Variants in SPAG16 observed in about 807,000 individuals in gnomAD.
The protein encoded by SPAG16 is sperm-associated antigen 16 protein.
A neutral mutation model predicts 80.4 loss-of-function variants in SPAG16; 86 were observed. The observed-to-expected ratio is 1.07, with a 90% CI of 0.90 to 1.28. The LOEUF is 1.28. Ranked by LOEUF, SPAG16 falls within the 50% of genes most tolerant of loss-of-function variation. SPAG16 has a pLI of 0.00. For synonymous variants in SPAG16, 294 were observed against 265.9 expected (o/e 1.11, Z -1.03); for missense variants, 870 against 765.3 (o/e 1.14, Z -1.61).
At chr2:213,757,271 C>T (rs903237606) in intron 10 of SPAG16, among the ~76,000 whole-genome samples, 1 of 151,328 alleles carries the variant, frequency 6.6e-6, no homozygotes, top group African/African-American at 2.4e-5. Context: ...TATTGTTGTC[C>T]ATACTACTTA....
intron 9 of SPAG16, among the ~76,000 whole-genome samples, chr2:213,460,259 A>T (rs1193866271): frequency 6.6e-6 from 1 of 152,106 alleles, no homozygotes; most frequent in Non-Finnish European, 1.5e-5. Flanking sequence ...TTTTTAGATT[A>T]TTGCATGTTG....
At chr2:213,373,748 C>G (rs1211634158) in intron 8 of SPAG16, among the ~76,000 whole-genome samples, 1 of 152,078 alleles carries the variant, frequency 6.6e-6, no homozygotes, top group Non-Finnish European at 1.5e-5. Flanking sequence ...ACAATGGGAA[C>G]AAAAGGTAGT....
intron 11 of SPAG16, among the ~76,000 whole-genome samples, chr2:213,919,275 A>T (rs144504289): frequency 6.6e-6 from 1 of 151,968 alleles, no homozygotes; most frequent in African/African-American, 2.4e-5. Context: ...TGGTTTTTTC[A>T]TATCTCAATC....
intron 10 of SPAG16, among the ~76,000 whole-genome samples, chr2:213,779,780 T>A (rs758897318): frequency 6.6e-6 from 1 of 152,178 alleles, no homozygotes; most frequent in Non-Finnish European, 1.5e-5. Context: ...ATCTCCTGAA[T>A]CATAACGATG....
intron 9 of SPAG16, among the ~76,000 whole-genome samples, chr2:213,482,369 T>C (rs1035378035): frequency 1.3e-5 from 2 of 152,202 alleles, no homozygotes; most frequent in East Asian, 3.8e-4. Context: ...TAAATAACTC[T>C]AAAACTACTA....
chr2:213,686,048 A>G (rs1037190375), intron 10 of SPAG16, among the ~76,000 whole-genome samples: 1 of 152,248 alleles, frequency 6.6e-6, no homozygotes, highest in Non-Finnish European at 1.5e-5. Flanking sequence ...TTAACATCCA[A>G]TCATCTCATA....
At chr2:213,907,413 A>T (rs573877963) in intron 11 of SPAG16, among the ~76,000 whole-genome samples, 1 of 152,098 alleles carries the variant, frequency 6.6e-6, no homozygotes, top group Admixed American at 6.6e-5. Context: ...AAGGAAATTT[A>T]TACATGATCA....
chr2:214,326,461 A>G (rs1026482333), intron 15 of SPAG16, among the ~76,000 whole-genome samples: 3 of 152,172 alleles, frequency 2.0e-5, no homozygotes, highest in Admixed American at 1.3e-4. Context: ...GTGAAAATGT[A>G]TCATGGCAGC....
intron 12 of SPAG16, among the ~76,000 whole-genome samples, chr2:213,936,577 T>C (rs1219955326): frequency 6.6e-6 from 1 of 152,202 alleles, no homozygotes; most frequent in East Asian, 1.9e-4. Flanking sequence ...AATTGTATTC[T>C]GGATAGATTT....
intron 10 of SPAG16, among the ~76,000 whole-genome samples, chr2:213,521,001 C>T (rs1453824152): frequency 6.6e-6 from 1 of 152,114 alleles, no homozygotes; most frequent in Non-Finnish European, 1.5e-5. Flanking sequence ...CTGGGAGTGC[C>T]ATCTGCCAGA....
intron 13 of SPAG16, among the ~76,000 whole-genome samples, chr2:214,093,700 A>T (rs912079702): frequency 3.9e-5 from 6 of 152,054 alleles, no homozygotes; most frequent in African/African-American, 1.2e-4. Flanking sequence ...ATAGCTATTA[A>T]CTTAATGCTC....
At chr2:214,117,255 C>T (rs2053977226) in intron 14 of SPAG16, among the ~76,000 whole-genome samples, 1 of 148,080 alleles carries the variant, frequency 6.8e-6, no homozygotes, top group South Asian at 2.1e-4. Context: ...CAGAATTGAT[C>T]AAACAGAAGA....
chr2:214,215,683 T>C (rs1187192477), intron 15 of SPAG16, among the ~76,000 whole-genome samples: 4 of 152,238 alleles, frequency 2.6e-5, no homozygotes, highest in Non-Finnish European at 2.9e-5. Flanking sequence ...TTTCCCGTAC[T>C]GTTGCAATGA....
intron 10 of SPAG16, among the ~76,000 whole-genome samples, chr2:213,823,857 G>A (rs1323514234): frequency 6.6e-6 from 1 of 151,782 alleles, no homozygotes; most frequent in Non-Finnish European, 1.5e-5. Context: ...CTCCCATTTT[G>A]TAGGCTGCTT....
intron 10 of SPAG16, among the ~76,000 whole-genome samples, chr2:213,779,795 A>T (rs1360441357): frequency 6.6e-6 from 1 of 152,214 alleles, no homozygotes; most frequent in African/African-American, 2.4e-5. Context: ...ACGATGATGT[A>T]AGGGAAGTCT....
intron 9 of SPAG16, among the ~76,000 whole-genome samples, chr2:213,376,426 A>G (rs2066885820): frequency 1.3e-5 from 2 of 152,094 alleles, no homozygotes; most frequent in Non-Finnish European, 2.9e-5. Context: ...ATGGTGTTGC[A>G]TTCTGATATT....
At chr2:213,912,195 T>C (rs1383771615) in intron 11 of SPAG16, among the ~76,000 whole-genome samples, 7 of 152,152 alleles carry the variant, frequency 4.6e-5, no homozygotes, top group Non-Finnish European at 1.0e-4. Flanking sequence ...CGTCAGTTAA[T>C]GTACACTTGA....
chr2:213,836,183 C>G (rs965103716), intron 10 of SPAG16, among the ~76,000 whole-genome samples: 9 of 144,506 alleles, frequency 6.2e-5, no homozygotes. Flanking sequence ...TTCGCCCCCC[C>G]CCCCATTTCC....
chr2:213,364,085 C>T lies in SPAG16; in HGVS notation c.772C>T (p.Leu258Phe). The T allele has an allele frequency of 6.6e-7, 1 of 1,505,078 alleles. No homozygotes were observed. The highest frequency in any genetic ancestry group is 1.4e-5 in the South Asian group (1 of 72,592). 93.2% of individuals were successfully genotyped at this position (1,505,078 alleles called of 1,614,324 possible). A position where few individuals can be genotyped will look rare whatever the true frequency, so the allele number is the denominator to read the frequency against. Residue 258 changes from leucine to phenylalanine, a missense_variant, in exon 8 of 16, where the codon CTT (leucine) becomes TTT (phenylalanine). Coordinates refer to ENST00000331683, the MANE Select transcript of SPAG16 (RefSeq NM_024532.5). The stretch of plus-strand genomic sequence containing the variant: ...GAATTTTACTTTTTAGATTTCTGGA[C>T]TTCAAGAAACATTGAAGAAACTGCA... ...RDKVVGQISG[L>F]QETLKKLQRG...
Sources: gnomAD v4.1 joint callset for allele counts (sites outside exome capture counted in the v4.1 genomes callset) on GRCh38, gnomAD v4.1.1 for gene constraint, MANE v1.5 for transcripts, NCBI Gene and HGNC (gene_info 2026-07-23, HGNC 2026-07-21) for gene names.